DYM: variants seen among roughly 807,000 people sequenced by gnomAD.
DYM encodes the protein dyggve-Melchior-Clausen syndrome protein.
In DYM, 78 loss-of-function variants were observed where a neutral mutation model predicts 93.1. The ratio of observed to expected loss-of-function variants is 0.84; its 90% CI spans 0.70 to 1.01. DYM has a LOEUF of 1.01. DYM is among the 50% of genes least tolerant of loss of function. The probability of loss-of-function intolerance (pLI) is 0.00; values close to 1 mark genes in which losing one functional copy is unlikely to be tolerated. For missense variants in DYM, 789 were observed against 845.0 expected (o/e 0.93, Z 0.82); for synonymous variants, 321 against 319.7 (o/e 1.00, Z -0.04).
At position 49,273,051 on chromosome 18, in the gene DYM, T is replaced by C. The variant is rs189678328; in HGVS notation, c.1126-748A>G. On this transcript the variant is annotated intron_variant, in intron 10 of 17. Coordinates refer to ENST00000675505, the MANE Select transcript of DYM (RefSeq NM_001353214.3). Reference sequence around the variant, plus strand: ...TCTATCATCTAAATCAGACAACACATGTAATGAGCAAATTGTTTACACATA... The same window carrying C: ...TCTATCATCTAAATCAGACAACACACGTAATGAGCAAATTGTTTACACATA... 2.3e-3 allele frequency among the ~76,000 whole-genome samples: 347 copies of C among 151,962 alleles called. 3 individuals are homozygous for C. The highest frequency in any genetic ancestry group is 0.021 in the Middle Eastern group (6 of 292).
intron 1 of DYM, among the ~76,000 whole-genome samples, chr18:49,433,842 T>G (rs1945904904): frequency 6.6e-6 from 1 of 152,122 alleles, no homozygotes; most frequent in African/African-American, 2.4e-5. Flanking sequence ...CAATCCAGCC[T>G]GGGCGACAGA....
chr18:49,248,733 T>C (rs1460546112), intron 13 of DYM, among the ~76,000 whole-genome samples: 1 of 152,156 alleles, frequency 6.6e-6, no homozygotes, highest in Non-Finnish European at 1.5e-5. Context: ...GTGGTAGGCA[T>C]TCATAAGTAT....
At chr18:49,239,242 A>G (rs942164380) in intron 13 of DYM, among the ~76,000 whole-genome samples, 2 of 152,220 alleles carry the variant, frequency 1.3e-5, no homozygotes, top group South Asian at 2.1e-4. Flanking sequence ...AAATTAAAGG[A>G]AAAAAATGCA....
At chr18:49,270,639 G>A (rs930009556) in intron 11 of DYM, among the ~76,000 whole-genome samples, 2 of 152,114 alleles carry the variant, frequency 1.3e-5, no homozygotes, top group African/African-American at 4.8e-5. Context: ...GACTATAGTA[G>A]CCATTTCTCT....
chr18:49,299,991 C>T (rs1471961524), intron 8 of DYM, among the ~76,000 whole-genome samples: 18 of 146,722 alleles, frequency 1.2e-4, no homozygotes, highest in South Asian at 4.3e-4. Flanking sequence ...TGCAGTGAGC[C>T]GAGATCGTGC....
intron 3 of DYM, among the ~76,000 whole-genome samples, chr18:49,390,475 G>C (rs1258013240): frequency 6.6e-6 from 1 of 151,528 alleles, no homozygotes; most frequent in East Asian, 1.9e-4. Context: ...TAGCAAAATA[G>C]TTTATATGGG....
At chr18:49,447,060 CA>C (rs59079856) in intron 1 of DYM, among the ~76,000 whole-genome samples, 245 of 98,356 alleles carry the variant, frequency 2.5e-3, no homozygotes, top group East Asian at 3.3e-3. Context: ...GACTCCATCA[CA>C]AAAAAAAAAA....
intron 1 of DYM, among the ~76,000 whole-genome samples, chr18:49,433,851 G>A (rs932174520): frequency 2.0e-5 from 3 of 152,174 alleles, no homozygotes; most frequent in Middle Eastern, 6.8e-3. Flanking sequence ...CTGGGCGACA[G>A]AGTGAAACTC....
intron 11 of DYM, among the ~76,000 whole-genome samples, chr18:49,262,961 A>G (rs115835142): frequency 6.6e-6 from 1 of 152,214 alleles, no homozygotes; most frequent in African/African-American, 2.4e-5. Flanking sequence ...AAAGTCAGAA[A>G]AAAAGAAAGA....
At chr18:49,200,292 A>T (rs1027955568) in intron 14 of DYM, among the ~76,000 whole-genome samples, 11 of 152,048 alleles carry the variant, frequency 7.2e-5, no homozygotes, top group African/African-American at 2.7e-4. Flanking sequence ...TTAAAAAGAA[A>T]TGTCATGTAC....
intron 13 of DYM, among the ~76,000 whole-genome samples, chr18:49,229,732 A>G (rs1358879221): frequency 6.6e-6 from 1 of 152,162 alleles, no homozygotes; most frequent in Non-Finnish European, 1.5e-5. Flanking sequence ...TTAAACATAC[A>G]ATTACATATG....
intron 13 of DYM, among the ~76,000 whole-genome samples, chr18:49,219,961 A>T (rs944323603): frequency 2.1e-4 from 32 of 149,172 alleles, no homozygotes; most frequent in African/African-American, 7.8e-4. Flanking sequence ...AGGAAGTCAA[A>T]TTGTCCCTGT....
At chr18:49,081,386 C>G (rs1486939495) in intron 17 of DYM, among the ~76,000 whole-genome samples, 1 of 149,850 alleles carries the variant, frequency 6.7e-6, no homozygotes, top group Non-Finnish European at 1.5e-5. Context: ...TGCCTGCAAT[C>G]GCAGGCACTC....
chr18:49,169,254 C>T (rs1439499944), intron 14 of DYM, among the ~76,000 whole-genome samples: 1 of 152,162 alleles, frequency 6.6e-6, no homozygotes, highest in African/African-American at 2.4e-5. Flanking sequence ...CTCAACTGCA[C>T]CTGAAGGGAG....
At chr18:49,353,832 G>T (rs1003352471) in intron 6 of DYM, among the ~76,000 whole-genome samples, 1 of 151,946 alleles carries the variant, frequency 6.6e-6, no homozygotes. Context: ...ACTCAATATT[G>T]TCAAGATTCC....
At chr18:49,191,429 A>T (rs940060233) in intron 14 of DYM, among the ~76,000 whole-genome samples, 5 of 152,054 alleles carry the variant, frequency 3.3e-5, no homozygotes, top group African/African-American at 1.2e-4. Flanking sequence ...TATTACTTTG[A>T]GAAGAAAAAA....
intron 14 of DYM, among the ~76,000 whole-genome samples, chr18:49,172,403 A>G (rs1435890696): frequency 6.6e-6 from 1 of 152,222 alleles, no homozygotes; most frequent in African/African-American, 2.4e-5. Context: ...TTCACTCTAT[A>G]AGAAACTGCT....
intron 2 of DYM, among the ~76,000 whole-genome samples, chr18:49,413,989 A>G (rs141304192): frequency 0.091 from 13,900 of 152,164 alleles, 859 homozygotes; most frequent in East Asian, 0.31. Flanking sequence ...CAGCCTGGAC[A>G]ACAGAGAGAG....
At chr18:49,220,725 T>C (rs77486087) in intron 13 of DYM, among the ~76,000 whole-genome samples, 103,851 of 152,018 alleles carry the variant, frequency 0.68, 37,780 homozygotes, top group Non-Finnish European at 0.81. Flanking sequence ...AAACTGGATC[T>C]CTTCCTTACA....
Sources: gnomAD v4.1 joint callset for allele counts (sites outside exome capture counted in the v4.1 genomes callset) on GRCh38, gnomAD v4.1.1 for gene constraint, MANE v1.5 for transcripts, NCBI Gene and HGNC (gene_info 2026-07-23, HGNC 2026-07-21) for gene names.